The following SH3D19 variants were observed in gnomAD, a reference collection of about 807,000 sequenced individuals.
SH3D19 encodes SH3 domain containing 19, also known as SH3 domain-containing protein 19.
Under a neutral mutation model 112.1 loss-of-function variants are expected in SH3D19, and 58 were observed. The ratio of observed to expected loss-of-function variants is 0.52; its 90% confidence interval spans 0.42 to 0.64. The LOEUF (loss-of-function observed/expected upper bound fraction) is 0.64. Among genes scored for constraint, SH3D19 ranks in the 30% least tolerant of loss-of-function variants. The pLI, the probability that SH3D19 is intolerant of heterozygous loss-of-function variation, is 0.00. For missense variants in SH3D19, 1,090 were observed against 1,263.4 expected (o/e 0.86, Z 2.08); for synonymous variants, 391 against 448.5 (o/e 0.87, Z 1.62).
At chr4:151,193,057 T>G (rs1762884544) in intron 2 of SH3D19, among the ~76,000 whole-genome samples, 2 of 152,070 alleles carry the variant, frequency 1.3e-5, no homozygotes, top group Admixed American at 1.3e-4. Flanking sequence ...ATGTGCCCAC[T>G]ACTGGACTAA....
chr4:151,138,330 AAG>A (rs1199693004), intron 13 of SH3D19, among the ~76,000 whole-genome samples: 1 of 152,216 alleles, frequency 6.6e-6, no homozygotes, highest in Non-Finnish European at 1.5e-5. Flanking sequence ...AGTGGATAAA[AAG>A]AGATTGTAAG....
chr4:151,215,015 C>G (rs1388086756), intron 2 of SH3D19, among the ~76,000 whole-genome samples: 1 of 148,920 alleles, frequency 6.7e-6, no homozygotes, highest in Non-Finnish European at 1.5e-5. Context: ...GGCAGAGGCG[C>G]TCCTCACATC....
chr4:151,266,085 C>A (rs1040103586), intron 1 of SH3D19: 1 of 152,106 alleles, frequency 6.6e-6, no homozygotes, highest in Non-Finnish European at 1.5e-5. Context: ...TAAATACACA[C>A]CTCATGTTTT....
At chr4:151,179,765 T>C (rs1022874061) in intron 3 of SH3D19, among the ~76,000 whole-genome samples, 4 of 152,330 alleles carry the variant, frequency 2.6e-5, no homozygotes, top group African/African-American at 9.6e-5. Context: ...TAAATATCGA[T>C]TCCAATCTAT....
At chr4:151,261,410 G>C (rs952535126) in intron 1 of SH3D19, 11 of 152,182 alleles carry the variant, frequency 7.2e-5, no homozygotes, top group African/African-American at 2.7e-4. Flanking sequence ...CCATCGCTGT[G>C]GTAGAACTGC....
Position 151,307,456 on chromosome 4 carries a change from G to C in SH3D19, c.112+17785C>G, listed in dbSNP as rs143379519. On this transcript the variant is annotated intron_variant, in intron 1 of 19. Coordinates refer to ENST00000604030, the MANE Select transcript of SH3D19 (RefSeq NM_001378122.1). ...CAGGACCCAAGGTGGCGCAGCCCTC[G>C]TGAGCCCAAAAAGCCACTCGCGTCT... is the stretch of plus-strand genomic sequence containing the variant. Among the ~76,000 whole-genome samples the C allele has an allele frequency of 1.9e-3, 296 of 152,312 alleles. 1 individual carries two copies. The highest frequency in any genetic ancestry group is 6.9e-3 in the African/African-American group (288 of 41,570).
intron 1 of SH3D19, among the ~76,000 whole-genome samples, chr4:151,284,632 C>T (rs1026023072): frequency 5.3e-5 from 8 of 152,122 alleles, no homozygotes; most frequent in Middle Eastern, 3.2e-3. Flanking sequence ...TCTTGGAAAA[C>T]GTTTTCCTGT....
At chr4:151,298,806 A>C (rs975165224) in intron 1 of SH3D19, among the ~76,000 whole-genome samples, 2 of 152,238 alleles carry the variant, frequency 1.3e-5, no homozygotes, top group Non-Finnish European at 2.9e-5. Context: ...ATCACGAAGC[A>C]GCCTATTCTA....
intron 1 of SH3D19, among the ~76,000 whole-genome samples, chr4:151,257,220 T>A (rs1291744409): frequency 6.6e-6 from 1 of 152,190 alleles, no homozygotes; most frequent in Non-Finnish European, 1.5e-5. Flanking sequence ...CCCAAGTAGC[T>A]GGGACTACAG....
chr4:151,265,413 C>CA (rs1216135226), intron 1 of SH3D19, among the ~76,000 whole-genome samples: 1 of 149,524 alleles, frequency 6.7e-6, no homozygotes, highest in Non-Finnish European at 1.5e-5. Flanking sequence ...ATAGTGGAGC[C>CA]AAAAAATAGA....
chr4:151,161,130 A>G (rs946569340), intron 8 of SH3D19, among the ~76,000 whole-genome samples: 1 of 152,104 alleles, frequency 6.6e-6, no homozygotes. Flanking sequence ...GAGATTTCCA[A>G]TTTTAAATAA....
chr4:151,220,448 T>C (rs1767841562), intron 2 of SH3D19, among the ~76,000 whole-genome samples: 1 of 152,190 alleles, frequency 6.6e-6, no homozygotes, highest in Non-Finnish European at 1.5e-5. Context: ...AAATATTTCC[T>C]TGTAGTAGAT....
At chr4:151,236,117 C>T (rs1283297267) in intron 1 of SH3D19, among the ~76,000 whole-genome samples, 3 of 152,388 alleles carry the variant, frequency 2.0e-5, no homozygotes, top group South Asian at 2.1e-4. Flanking sequence ...CTCTTGGTGC[C>T]TCCTCGGCCT....
chr4:151,263,069 C>T (rs1318677630), intron 1 of SH3D19, among the ~76,000 whole-genome samples: 5 of 152,190 alleles, frequency 3.3e-5, no homozygotes, highest in Non-Finnish European at 5.9e-5. Context: ...GCAAGACAGA[C>T]GCAGTTCTGC....
At chr4:151,159,419 G>T in intron 8 of SH3D19, 67 bp from the exon 9 acceptor site, 3 of 939,224 alleles carry the variant, frequency 3.2e-6, no homozygotes, top group South Asian at 1.7e-5. Context: ...TGAAATGATT[G>T]CTGCTTAGTT....
At chr4:151,144,535 A>C in intron 11 of SH3D19, 1 of 472,206 alleles carries the variant, frequency 2.1e-6, no homozygotes. Context: ...TCCCTTAATG[A>C]CCATAACCAG....
chr4:151,323,098 T>A (rs2126416195), intron 1 of SH3D19, among the ~76,000 whole-genome samples: 1 of 152,298 alleles, frequency 6.6e-6, no homozygotes, highest in South Asian at 2.1e-4. Context: ...TTTACAAATT[T>A]CATATGTTCT....
At chr4:151,322,047 G>A (rs536552451) in intron 1 of SH3D19, among the ~76,000 whole-genome samples, 4 of 152,186 alleles carry the variant, frequency 2.6e-5, no homozygotes, top group Non-Finnish European at 2.9e-5. Context: ...CCAGATTTAC[G>A]ACACCTTAGC....
intron 7 of SH3D19, among the ~76,000 whole-genome samples, chr4:151,172,218 C>T (rs374943781): frequency 1.3e-5 from 2 of 152,114 alleles, no homozygotes; most frequent in East Asian, 3.9e-4. Context: ...GACAATGCTA[C>T]CAAAATACCA....
Sources: gnomAD v4.1 joint callset for allele counts (sites outside exome capture counted in the v4.1 genomes callset) on GRCh38, gnomAD v4.1.1 for gene constraint, MANE v1.5 for transcripts, NCBI Gene and HGNC (gene_info 2026-07-23, HGNC 2026-07-21) for gene names.